POMGNT1: variants seen among roughly 807,000 people sequenced by gnomAD.
The protein encoded by POMGNT1 is protein O-linked mannose N-acetylglucosaminyltransferase 1 (beta 1,2-), also known as protein O-linked-mannose beta-1,2-N-acetylglucosaminyltransferase 1.
Under a neutral mutation model 95.6 loss-of-function variants are expected in POMGNT1, and 67 were observed. The ratio of observed to expected loss-of-function variants is 0.70; its 90% CI spans 0.58 to 0.86. The LOEUF (loss-of-function observed/expected upper bound fraction) is 0.86, where lower values mean the gene tolerates loss of function less well. Among genes scored for constraint, POMGNT1 ranks in the 40% least tolerant of loss-of-function variants. POMGNT1 has a pLI of 0.00. For missense variants in POMGNT1, 719 were observed against 855.2 expected, an observed-to-expected ratio of 0.84 and a Z score of 1.99; for synonymous variants, 298 against 317.9, an observed-to-expected ratio of 0.94 and a Z score of 0.66.
chr1:46,204,594 G>A (rs1312848549), intron 1 of POMGNT1, among the ~76,000 whole-genome samples: 1 of 152,170 alleles, frequency 6.6e-6, no homozygotes, highest in Non-Finnish European at 1.5e-5. Flanking sequence ...GAAATCATGG[G>A]GGCTCTGAGA....
chr1:46,192,033 A>C, intron 17 of POMGNT1, 65 bp downstream of exon 17: 2 of 1,541,136 alleles, frequency 1.3e-6, no homozygotes, highest in Non-Finnish European at 1.8e-6. Context: ...AGATTGCTTC[A>C]GAGTCCATGT....
intron 1 of POMGNT1, among the ~76,000 whole-genome samples, chr1:46,212,344 G>A (rs973926572): frequency 2.0e-5 from 3 of 150,560 alleles, no homozygotes; most frequent in African/African-American, 4.9e-5. Context: ...GCAGTGGCGC[G>A]ATCTCAGCTC....
intron 2 of POMGNT1, 67 bp downstream of exon 2, chr1:46,197,635 C>A: frequency 3.1e-6 from 5 of 1,606,872 alleles, no homozygotes; most frequent in Non-Finnish European, 4.3e-6. Context: ...GGTCCCAGTG[C>A]CTGATTTAGG....
chr1:46,203,336 T>G, upstream of POMGNT1: 65 of 1,181,938 alleles, frequency 5.5e-5, no homozygotes, highest in Non-Finnish European at 6.1e-5. Flanking sequence ...GACCCACCGG[T>G]TTTGCTCCGC....
chr1:46,204,957 A>G (rs1658664597), intron 1 of POMGNT1, among the ~76,000 whole-genome samples: 1 of 152,136 alleles, frequency 6.6e-6, no homozygotes, highest in Non-Finnish European at 1.5e-5. Context: ...TATTTTATAG[A>G]TGGAGAAACT....
At chr1:46,214,133 G>C (rs1658987047) in intron 1 of POMGNT1, among the ~76,000 whole-genome samples, 1 of 152,086 alleles carries the variant, frequency 6.6e-6, no homozygotes, top group Non-Finnish European at 1.5e-5. Context: ...ATCACTTGAG[G>C]TCAGGAATTT....
chr1:46,210,036 A>ACAGT (rs967633373), intron 1 of POMGNT1, among the ~76,000 whole-genome samples: 2 of 152,206 alleles, frequency 1.3e-5, no homozygotes, highest in African/African-American at 4.8e-5. Flanking sequence ...AATAGTCTGT[A>ACAGT]CAGTCTGATA....
intron 9 of POMGNT1, 126 bp from the exon 10 acceptor site, chr1:46,194,051 T>C (rs996459824): frequency 1.2e-5 from 19 of 1,552,686 alleles, no homozygotes; most frequent in Non-Finnish European, 1.6e-5. Context: ...TAGAGGATCT[T>C]CCCTGTTCTG....
At chr1:46,214,221 C>T (rs1413310470) in intron 1 of POMGNT1, among the ~76,000 whole-genome samples, 1 of 151,940 alleles carries the variant, frequency 6.6e-6, no homozygotes, top group Non-Finnish European at 1.5e-5. Flanking sequence ...TAGCGGGCAC[C>T]TGTAATCCCA....
chr1:46,213,167 A>G (rs995396391), intron 1 of POMGNT1, among the ~76,000 whole-genome samples: 1 of 151,896 alleles, frequency 6.6e-6, no homozygotes, highest in Non-Finnish European at 1.5e-5. Context: ...AAATATTTAT[A>G]TGATGTTTCA....
chr1:46,192,875 A>G (rs553175951), intron 14 of POMGNT1, 25 bp downstream of exon 14: 20 of 1,614,060 alleles, frequency 1.2e-5, no homozygotes, highest in East Asian at 2.2e-5. Flanking sequence ...AGGGACCTCA[A>G]CTGAAACCTA....
exon 1 of POMGNT1, chr1:46,220,304 A>C: frequency 1.4e-6 from 2 of 1,390,856 alleles, no homozygotes. Flanking sequence ...CCTCAGTCTG[A>C]GACTAGGAAG....
In POMGNT1 at chr1:46,214,489, G is replaced by A. The variant is rs190407264; in HGVS notation, c.-51+5216C>T. Among the ~76,000 whole-genome samples, 3 of 152,300 alleles carry A rather than the reference G, an allele frequency of 2.0e-5. No individual in the cohort carries two copies. The East Asian group carries it at 5.8e-4, about 29-fold the overall frequency. On this transcript the variant is annotated intron_variant, in intron 1 of 22. Coordinates refer to the POMGNT1 transcript ENST00000371992. ...TAGCCATGAACAAAAACAAGAAGGT[G>A]TAAAAAGGTAAACATTCAGAGAACT...
chr1:46,202,479 A>G (rs1313404240), upstream of POMGNT1, among the ~76,000 whole-genome samples: 2 of 151,822 alleles, frequency 1.3e-5, no homozygotes, highest in African/African-American at 2.4e-5. Context: ...GATCACTTGA[A>G]GTCAGGAGTT....
chr1:46,196,726 C>A lies in POMGNT1; in HGVS notation c.354+5G>T. The A allele has an allele frequency of 2.5e-6, 4 of 1,614,152 alleles. No individual in the cohort carries two copies. Among genetic ancestry groups the A allele is most frequent in the Non-Finnish European group, 3.4e-6 (4 of 1,180,050 alleles). ...TGACTGTACACCAGACCCTGGCCCA[C>A]TGACCGTGGTGCCATCCACTGCCAC... On this transcript the variant is annotated splice_donor_5th_base_variant and intron_variant, in intron 4 of 21. Coordinates refer to ENST00000371984, the MANE Select transcript of POMGNT1 (RefSeq NM_017739.4). This position sits in a 1 kb window ranked among gnomAD's most constrained non-coding sequence, Gnocchi z 4.4.
In POMGNT1 at chr1:46,191,470, T is replaced by A. The variant is rs945238647; in HGVS notation, c.1539+628A>T. ...AGAGATTGCAGGGCTGGACCAGTAC[T>A]TAGAGGCAGAAATACTCTCCCCAGA... On this transcript the variant is annotated intron_variant, in intron 17 of 21. Transcript: ENST00000371984. 8 of 186,500 alleles carry A rather than the reference T, an allele frequency of 4.3e-5. 1 individual carries two copies. The highest frequency in any genetic ancestry group is 2.1e-4 in the Admixed American group (4 of 18,740). 11.6% of individuals were successfully genotyped at this position (186,500 alleles called of 1,614,324 possible). A position where few individuals can be genotyped will look rare whatever the true frequency, so the allele number is the denominator to read the frequency against.
chr1:46,203,849 G>T (rs191091702), intron 1 of POMGNT1, among the ~76,000 whole-genome samples: 46 of 152,242 alleles, frequency 3.0e-4, no homozygotes, highest in Admixed American at 2.7e-3. Context: ...TGAGGACTTG[G>T]GTTGGGAGCA....
At chr1:46,190,553 C>G in intron 18 of POMGNT1, 36 bp from the exon 19 acceptor site, 1 of 1,562,754 alleles carries the variant, frequency 6.4e-7, no homozygotes, top group Non-Finnish European at 8.8e-7. Flanking sequence ...GGGGAGTGGG[C>G]AGGCCCTCAG....
At chr1:46,207,389 C>A (rs150646841) in intron 1 of POMGNT1, among the ~76,000 whole-genome samples, 1 of 151,270 alleles carries the variant, frequency 6.6e-6, no homozygotes, top group Non-Finnish European at 1.5e-5. Context: ...CTAGCTGAGT[C>A]CTTCTTAACC....
Sources: allele counts gnomAD v4.1 joint callset (sites outside exome capture counted in the v4.1 genomes callset), GRCh38; gene constraint gnomAD v4.1.1; non-coding constraint Gnocchi (gnomAD v3.1); transcripts MANE v1.5; gene names NCBI Gene and HGNC (gene_info 2026-07-23, HGNC 2026-07-21).